The following PRRT4 variants were observed in gnomAD, a reference collection of about 807,000 sequenced individuals.
The protein encoded by PRRT4 is proline rich transmembrane protein 4, also known as proline-rich transmembrane protein 4.
PRRT4 carries 59 observed loss-of-function variants against 55.6 expected under a neutral mutation model. That is an observed-to-expected ratio of 1.06 (90% CI 0.86 to 1.32). PRRT4 has a LOEUF of 1.32. Ranked by LOEUF, PRRT4 falls within the 40% of genes most tolerant of loss-of-function variation. PRRT4 has a pLI of 0.00. For synonymous variants in PRRT4, 606 were observed against 601.8 expected, an observed-to-expected ratio of 1.01 and a Z score of -0.10; for missense variants, 1,217 against 1,222.0, an observed-to-expected ratio of 1.00 and a Z score of 0.06.
At chr7:128,351,492 T>C in exon 5 of PRRT4, 1 of 1,516,260 alleles carries the variant, frequency 6.6e-7, no homozygotes, top group Admixed American at 2.0e-5. Flanking sequence ...CGCCCTGGAG[T>C]AGGAGGTCTG....
chr7:128,356,858 G>C (rs75952801), intron 4 of PRRT4, among the ~76,000 whole-genome samples: 44 of 152,314 alleles, frequency 2.9e-4, no homozygotes, highest in African/African-American at 9.6e-4. Context: ...CCCACCTCCA[G>C]GTTCATGGAG....
Position 128,351,825 on chromosome 7 carries a change from A to T in PRRT4, c.1731T>A (p.Tyr577Ter), listed in dbSNP as rs1022643011. 7.1e-7 allele frequency: 1 copy of T among 1,404,378 alleles called. No individual in the cohort carries two copies. The highest frequency in any genetic ancestry group is 1.5e-5 in the African/African-American group (1 of 65,830). The allele number at this position is 1,404,378 out of a possible 1,614,324, so 87.0% of individuals were successfully genotyped here. Reference sequence around the variant, plus strand: ...CGTAGCCCAGGGCGTGCAGCACCTCATAGCCCTGCAGGGCTCCGCTCAGCA... The same window carrying T: ...CGTAGCCCAGGGCGTGCAGCACCTCTTAGCCCTGCAGGGCTCCGCTCAGCA... The change falls in exon 5 of 5, where the codon TAT becomes TAA. Residue 577 changes from tyrosine (Y) to a stop codon, truncating the protein, a stop_gained. Coordinates refer to ENST00000535159, the Ensembl canonical transcript of PRRT4. LOFTEE classifies it high-confidence loss of function.
intron 1 of PRRT4, 68 bp from the exon 3 acceptor site, chr7:128,360,131 TC>T: frequency 1.6e-6 from 1 of 629,668 alleles, no homozygotes; most frequent in Non-Finnish European, 2.3e-6. Flanking sequence ...GGATCGGATG[TC>T]CCAGAGAGAG....
In PRRT4 at chr7:128,361,142, G is replaced by A. The variant is rs73230666; in HGVS notation, c.-73+419C>T. Among the ~76,000 whole-genome samples, 230 of 126,234 alleles carry A rather than the reference G, an allele frequency of 1.8e-3. 2 individuals are homozygous for A. Among genetic ancestry groups the A allele is most frequent in the Middle Eastern group, 0.013 (3 of 224 alleles). The allele number at this position is 126,234 out of a possible 152,430, so 82.8% of individuals were successfully genotyped here. ...ACACACACACACACACACACACACG[G>A]CATGTACTGTACAGAGATGCACACC... On this transcript the variant is annotated intron_variant, in intron 1 of 4. Coordinates refer to ENST00000535159, the Ensembl canonical transcript of PRRT4.
In PRRT4 at chr7:128,358,812, G is replaced by C. The variant is rs1238428224; in HGVS notation, c.758-12C>G. On this transcript the variant is annotated splice_polypyrimidine_tract_variant and intron_variant, in intron 3 of 4. Coordinates refer to ENST00000535159, the Ensembl canonical transcript of PRRT4. This position sits in a 1 kb window ranked among gnomAD's most constrained non-coding sequence, Gnocchi z 4.4. ...GGTACCAAGGAACCCTGCAAAGGGA[G>C]CACATGGGGCTCAAGTGCCACCCCA... 8.5e-6 allele frequency: 13 copies of C among 1,521,058 alleles called. No individual in the cohort carries two copies. The highest frequency in any genetic ancestry group is 1.1e-5 in the Non-Finnish European group (13 of 1,135,704). 94.2% of individuals were successfully genotyped at this position (1,521,058 alleles called of 1,614,324 possible).
In PRRT4 at chr7:128,351,785, G is replaced by T. The variant is rs1173298797; in HGVS notation, c.1771C>A (p.Leu591Met). Residue 591 changes from leucine (L) to methionine (M), a missense_variant, in exon 5 of 5, where the codon CTG (leucine) becomes ATG (methionine). Physicochemically the swap from Leu to Met is conservative, Grantham distance 15 (BLOSUM62 2). Around this residue, in one of 3 missense-constraint regions of PRRT4, gnomAD observed 642 missense variants for 600.9 expected, o/e 1.07. Transcript: ENST00000535159. ...GCCCACCAGGGCCAGGGCCCTTCCA[G>T]GCCGGATTGGCCGCCGTAGCCCAGG... The T allele has an allele frequency of 4.2e-6, 6 of 1,424,158 alleles. No homozygotes were observed. The highest frequency in any genetic ancestry group is 4.5e-6 in the Non-Finnish European group (5 of 1,099,324). 88.2% of individuals were successfully genotyped at this position (1,424,158 alleles called of 1,614,324 possible).
Position 128,358,799 on chromosome 7 carries a change from C to T in PRRT4, c.759G>A (p.Gly253=), listed in dbSNP as rs1346383426. Residue 253 remains glycine (G), a splice_region_variant and synonymous_variant, in exon 4 of 5, where the codon GGG becomes GGA. Transcript: ENST00000535159. This position sits in a 1 kb window ranked among gnomAD's most constrained non-coding sequence, Gnocchi z 4.4. ...GCAGGGACAGAGTGGTACCAAGGAA[C>T]CCTGCAAAGGGAGCACATGGGGCTC... 6.5e-7 allele frequency: 1 copy of T among 1,539,254 alleles called. No individual in the cohort carries two copies. Among genetic ancestry groups the T allele is most frequent in the Non-Finnish European group, 8.8e-7 (1 of 1,142,510 alleles).
intron 1 of PRRT4, among the ~76,000 whole-genome samples, chr7:128,360,962 C>A (rs539810865): frequency 4.0e-5 from 6 of 151,898 alleles, no homozygotes; most frequent in African/African-American, 1.5e-4. Flanking sequence ...CCGTCACATA[C>A]CCCCCTGCCC....
chr7:128,352,096 G>A, exon 5 of PRRT4: 1 of 1,158,610 alleles, frequency 8.6e-7, no homozygotes, highest in Non-Finnish European at 1.1e-6. Flanking sequence ...CGGGCGATGC[G>A]CGGCGCTCCC....
In PRRT4 at chr7:128,360,736, G is replaced by A. The variant is rs1797230221; in HGVS notation, c.-72-673C>T. ...GACCCTTGAAGTATTCGGGGGAGGG[G>A]CAGCTTGGCGATCTCCGGCTTCCTG... On this transcript the variant is annotated intron_variant, in intron 1 of 4. Transcript: ENST00000535159. Among the ~76,000 whole-genome samples the A allele has an allele frequency of 2.0e-5, 3 of 152,076 alleles. No individual in the cohort carries two copies. The South Asian group carries it at 6.2e-4, about 32-fold the overall frequency.
In PRRT4 at chr7:128,360,071, G is replaced by A; in HGVS notation, c.-72-8C>T. The A allele has an allele frequency of 8.6e-7, 1 of 1,169,482 alleles. No homozygotes were observed. Among genetic ancestry groups the A allele is most frequent in the South Asian group, 3.6e-5 (1 of 27,574 alleles). The allele number at this position is 1,169,482 out of a possible 1,614,324, so 72.4% of individuals were successfully genotyped here. On this transcript the variant is annotated splice_polypyrimidine_tract_variant and splice_region_variant and intron_variant, in intron 1 of 4. Transcript: ENST00000535159. ...CTTTTGAGGAGGAAGGTCCTGGAGA[G>A]AGGAGAGGCCCTGTGAGCCCTGGCT...
exon 5 of PRRT4, chr7:128,352,234 A>G: frequency 6.5e-7 from 1 of 1,538,526 alleles, no homozygotes; most frequent in Non-Finnish European, 8.7e-7. Context: ...CAAGCAGGGC[A>G]GCGGAAGGTC....
intron 4 of PRRT4, among the ~76,000 whole-genome samples, chr7:128,356,072 A>G (rs1289636304): frequency 1.3e-5 from 2 of 152,086 alleles, no homozygotes; most frequent in African/African-American, 4.8e-5. Context: ...CAGCCTGGCC[A>G]ACATGGTGAA....
intron 4 of PRRT4, among the ~76,000 whole-genome samples, chr7:128,356,535 A>G (rs998293102): frequency 2.6e-5 from 4 of 152,242 alleles, no homozygotes; most frequent in African/African-American, 9.6e-5. Flanking sequence ...AAGAGTCCAG[A>G]AGATAGTCAT....
At chr7:128,350,788 T>C (rs1796938523), downstream of PRRT4, 3 of 1,525,406 alleles carry the variant, frequency 2.0e-6, no homozygotes, top group Non-Finnish European at 2.7e-6. Flanking sequence ...AGGATTACAG[T>C]GTGCAGGTCT....
At chr7:128,355,989 G>T (rs886247252) in intron 4 of PRRT4, among the ~76,000 whole-genome samples, 59 of 152,204 alleles carry the variant, frequency 3.9e-4, no homozygotes, top group African/African-American at 1.4e-3. Context: ...AGGCTGGGCT[G>T]GTGGCTCACG....
exon 1 of PRRT4, chr7:128,361,597 A>G (rs927233632): frequency 6.6e-6 from 1 of 151,282 alleles, no homozygotes; most frequent in Admixed American, 6.6e-5. Flanking sequence ...CGCACTCCGC[A>G]CTCCGCGCTC....
At chr7:128,359,509 C>T (rs1452318896) in exon 2 of PRRT4, 3 of 1,469,346 alleles carry the variant, frequency 2.0e-6, no homozygotes, top group East Asian at 5.0e-5. Flanking sequence ...GAAGTGCTGT[C>T]ACCATCAGAG....
At chr7:128,352,353 C>A in exon 5 of PRRT4, 1 of 1,526,694 alleles carries the variant, frequency 6.6e-7, no homozygotes, top group Non-Finnish European at 8.8e-7. Context: ...GCAGGTCCAG[C>A]AGCGCCAGGC....
Sources: allele counts gnomAD v4.1 joint callset (sites outside exome capture counted in the v4.1 genomes callset), GRCh38; gene constraint gnomAD v4.1.1; regional missense constraint gnomAD v4.1.1; non-coding constraint Gnocchi (gnomAD v3.1); transcripts MANE v1.5; gene names NCBI Gene and HGNC (gene_info 2026-07-23, HGNC 2026-07-21).